The following ACAP2 variants were observed in gnomAD, a reference collection of about 807,000 sequenced individuals.
The protein encoded by ACAP2 is ArfGAP with coiled-coil, ankyrin repeat and PH domains 2, also known as arf-GAP with coiled-coil, ANK repeat and PH domain-containing protein 2.
ACAP2 carries 39 observed loss-of-function variants against 115.8 expected under a neutral mutation model. The ratio of observed to expected loss-of-function variants is 0.34; its 90% CI spans 0.26 to 0.44. The LOEUF (loss-of-function observed/expected upper bound fraction) is 0.44, where lower values mean the gene tolerates loss of function less well. ACAP2 is among the 20% of genes least tolerant of loss of function. The pLI is 1.00. For missense variants in ACAP2, 662 were observed against 927.6 expected, an observed-to-expected ratio of 0.71 and a Z score of 3.72; for synonymous variants, 289 against 315.8, an observed-to-expected ratio of 0.92 and a Z score of 0.90.
chr3:195,367,875 A>T (rs2108717925), intron 4 of ACAP2, among the ~76,000 whole-genome samples: 1 of 152,318 alleles, frequency 6.6e-6, no homozygotes, highest in African/African-American at 2.4e-5. Flanking sequence ...CTTCAGCCAC[A>T]GTCAAGCCAC....
chr3:195,393,682 T>C (rs905688678), intron 1 of ACAP2, among the ~76,000 whole-genome samples: 2 of 152,240 alleles, frequency 1.3e-5, no homozygotes, highest in Non-Finnish European at 2.9e-5. Context: ...CTACTCATCA[T>C]TTAAACTTAA....
At chr3:195,441,014 G>C (rs1236610739) in intron 1 of ACAP2, among the ~76,000 whole-genome samples, 1 of 151,992 alleles carries the variant, frequency 6.6e-6, no homozygotes, top group African/African-American at 2.4e-5. Flanking sequence ...AACTTAATCA[G>C]TATGTTGCCC....
chr3:195,396,399 C>T (rs1711777417), intron 1 of ACAP2, among the ~76,000 whole-genome samples: 1 of 151,926 alleles, frequency 6.6e-6, no homozygotes, highest in Non-Finnish European at 1.5e-5. Context: ...ACTTTCTAAG[C>T]TACTGTTTGT....
At chr3:195,423,057 G>A (rs1381688376) in intron 1 of ACAP2, among the ~76,000 whole-genome samples, 1 of 151,906 alleles carries the variant, frequency 6.6e-6, no homozygotes, top group Non-Finnish European at 1.5e-5. Flanking sequence ...GCACAAATGG[G>A]AACATTTCAA....
Position 195,288,623 on chromosome 3 carries a change from C to T in ACAP2, c.2174+498G>A, listed in dbSNP as rs560554160. 3.0e-4 allele frequency among the ~76,000 whole-genome samples: 45 copies of T among 152,096 alleles called. 1 individual carries two copies. Among genetic ancestry groups the T allele is most frequent in the African/African-American group, 8.9e-4 (37 of 41,500 alleles). The stretch of plus-strand genomic sequence containing the variant: ...CTGTAATCCCAGCACTTTGGGAGGC[C>T]GAGGCGGGTGGATCACCTGAGGTCA... On this transcript the variant is annotated intron_variant, in intron 21 of 22. Coordinates refer to ENST00000326793, the MANE Select transcript of ACAP2 (RefSeq NM_012287.6).
intron 4 of ACAP2, among the ~76,000 whole-genome samples, chr3:195,364,765 C>T (rs1732601130): frequency 6.6e-6 from 1 of 152,100 alleles, no homozygotes; most frequent in African/African-American, 2.4e-5. Context: ...ATCCAGCAAT[C>T]CTACTCTCAG....
intron 1 of ACAP2, among the ~76,000 whole-genome samples, chr3:195,436,131 A>T (rs200956961): frequency 0.033 from 2,922 of 88,370 alleles, 43 homozygotes; most frequent in Middle Eastern, 0.075. Context: ...ATATATATAT[A>T]TATTTTTTTT....
chr3:195,380,642 A>G (rs559070772), intron 4 of ACAP2, among the ~76,000 whole-genome samples: 1 of 152,332 alleles, frequency 6.6e-6, no homozygotes, highest in South Asian at 2.1e-4. Context: ...AAGTATCTAA[A>G]AAGAAACAGC....
chr3:195,437,946 G>A (rs1422524156), intron 1 of ACAP2, among the ~76,000 whole-genome samples: 4 of 139,302 alleles, frequency 2.9e-5, no homozygotes, highest in Non-Finnish European at 6.0e-5. Flanking sequence ...GCCCAGGCTG[G>A]TCTCAGGCAA....
At chr3:195,359,082 A>G (rs1732177124) in intron 4 of ACAP2, among the ~76,000 whole-genome samples, 1 of 152,232 alleles carries the variant, frequency 6.6e-6, no homozygotes, top group Non-Finnish European at 1.5e-5. Flanking sequence ...ATATGAAGCA[A>G]AAATATCCTT....
chr3:195,380,860 A>G (rs943492404), intron 4 of ACAP2, 149 bp downstream of exon 4: 1 of 670,832 alleles, frequency 1.5e-6, no homozygotes, highest in Non-Finnish European at 2.6e-6. Flanking sequence ...ATACACACAC[A>G]GCGTACATTT....
chr3:195,356,793 A>T (rs1269625398), intron 4 of ACAP2, among the ~76,000 whole-genome samples: 1 of 151,996 alleles, frequency 6.6e-6, no homozygotes, highest in East Asian at 1.9e-4. Flanking sequence ...TGCTGACTAA[A>T]GAGCCCTTAG....
At chr3:195,340,744 T>G (rs559054722) in intron 6 of ACAP2, among the ~76,000 whole-genome samples, 1 of 152,240 alleles carries the variant, frequency 6.6e-6, no homozygotes, top group South Asian at 2.1e-4. Flanking sequence ...GCATGAGCCA[T>G]TTCAGTGGGT....
At chr3:195,292,759 T>C (rs781228105) in intron 18 of ACAP2, among the ~76,000 whole-genome samples, 1 of 151,750 alleles carries the variant, frequency 6.6e-6, no homozygotes, top group Non-Finnish European at 1.5e-5. Flanking sequence ...TCGTCTTTAC[T>C]AAAAATACAA....
intron 5 of ACAP2, among the ~76,000 whole-genome samples, chr3:195,343,078 A>G (rs1234294565): frequency 6.6e-6 from 1 of 152,170 alleles, no homozygotes; most frequent in East Asian, 1.9e-4. Context: ...ACATTGAAAC[A>G]CATTCACTCT....
intron 1 of ACAP2, among the ~76,000 whole-genome samples, chr3:195,416,920 C>G (rs1030954668): frequency 2.0e-5 from 3 of 151,112 alleles, no homozygotes; most frequent in African/African-American, 7.3e-5. Context: ...ATCAAGATCT[C>G]AAGTCTTTTT....
chr3:195,371,386 A>C (rs1446151895), intron 4 of ACAP2, among the ~76,000 whole-genome samples: 5 of 152,064 alleles, frequency 3.3e-5, no homozygotes, highest in Non-Finnish European at 7.4e-5. Flanking sequence ...CAGAAATGCT[A>C]CTAATTTTTG....
rs552474887 is a variant in ACAP2, at chr3:195,383,913, G to C, written c.112-1891C>G. 3.8e-4 allele frequency among the ~76,000 whole-genome samples: 58 copies of C among 152,084 alleles called. No individual in the cohort carries two copies. In the Middle Eastern group the frequency reaches 0.017, roughly 45 times the overall value. ...CATTCTCACTATAATAAAAGAAATG[G>C]AAATTACTATTTTTTTTTCTTTTAC... On this transcript the variant is annotated intron_variant, in intron 2 of 22. Transcript: ENST00000326793.
intron 21 of ACAP2, among the ~76,000 whole-genome samples, chr3:195,286,633 T>C (rs938094602): frequency 1.3e-5 from 2 of 152,242 alleles, no homozygotes; most frequent in Non-Finnish European, 2.9e-5. Context: ...GAACTTTTCC[T>C]ATCTTCAAAG....
Sources: gnomAD v4.1 joint callset for allele counts (sites outside exome capture counted in the v4.1 genomes callset) on GRCh38, gnomAD v4.1.1 for gene constraint, MANE v1.5 for transcripts, NCBI Gene and HGNC (gene_info 2026-07-23, HGNC 2026-07-21) for gene names.